Variants in CRY1 observed in about 807,000 individuals in gnomAD.
The protein encoded by CRY1 is cryptochrome-1.
Under a neutral mutation model 76.0 loss-of-function variants are expected in CRY1, and 45 were observed. That is an observed-to-expected ratio of 0.59 (90% CI 0.47 to 0.76). The LOEUF is 0.76. Among genes scored for constraint, CRY1 ranks in the 30% least tolerant of loss-of-function variants. CRY1 has a pLI of 0.00. For missense variants in CRY1, 587 were observed against 716.4 expected, an observed-to-expected ratio of 0.82 and a Z score of 2.06; for synonymous variants, 248 against 244.0, an observed-to-expected ratio of 1.02 and a Z score of -0.15.
intron 2 of CRY1, among the ~76,000 whole-genome samples, chr12:107,008,744 T>C (rs1259337663): frequency 1.3e-5 from 2 of 152,164 alleles, no homozygotes; most frequent in African/African-American, 2.4e-5. Context: ...CCACATGTCA[T>C]GGGAGGGACC....
At chr12:107,070,666 T>TTTTTTTTATTTA (rs1263215924) in intron 1 of CRY1, among the ~76,000 whole-genome samples, 75 of 139,690 alleles carry the variant, frequency 5.4e-4, no homozygotes, top group African/African-American at 9.4e-4. Context: ...ATTCTCTTAT[T>TTTTTTTTATTTA]TTTATTTATT....
intron 1 of CRY1, among the ~76,000 whole-genome samples, chr12:107,053,774 G>A (rs1952950310): frequency 6.6e-6 from 1 of 152,174 alleles, no homozygotes; most frequent in Non-Finnish European, 1.5e-5. Context: ...AACTCAGACG[G>A]AGATTCATCA....
chr12:107,037,736 TCTCA>T lies in CRY1; in HGVS notation c.159-15548_159-15545del, dbSNP rs1952752493. 3.3e-5 allele frequency among the ~76,000 whole-genome samples: 5 copies of T among 152,042 alleles called. No homozygotes were observed. In the South Asian group the frequency reaches 1.0e-3, roughly 32 times the overall value. On this transcript the variant is annotated intron_variant, in intron 1 of 12. Coordinates refer to ENST00000008527, the MANE Select transcript of CRY1 (RefSeq NM_004075.5). ...TTATTTATTTATTTTAGAGAAAGAG[TCTCA>T]CTCTGTTGCCCAGGCTGAAGTGCAG... is the stretch of plus-strand genomic sequence containing the variant.
chr12:107,028,369 C>G (rs1236402007), intron 1 of CRY1, among the ~76,000 whole-genome samples: 1 of 151,790 alleles, frequency 6.6e-6, no homozygotes, highest in Non-Finnish European at 1.5e-5. Flanking sequence ...ACACACTTTC[C>G]CTGAAGATAA....
rs138596917 is a variant in CRY1 at position 107,021,525 on chromosome 12, T to C, written c.267+559A>G. ...TAAAAAATTATAGCCATCTACAAAA[T>C]GGAATACTATGAAGTCATCTGAAAG... On this transcript the variant is annotated intron_variant, in intron 2 of 12. Coordinates refer to ENST00000008527, the MANE Select transcript of CRY1 (RefSeq NM_004075.5). Among the ~76,000 whole-genome samples the C allele has an allele frequency of 3.4e-3, 515 of 152,200 alleles. 3 individuals carry two copies. Among genetic ancestry groups the C allele is most frequent in the African/African-American group, 0.011 (468 of 41,556 alleles).
chr12:106,993,681 G>A (rs1723325776), intron 10 of CRY1, among the ~76,000 whole-genome samples: 1 of 152,048 alleles, frequency 6.6e-6, no homozygotes, highest in Non-Finnish European at 1.5e-5. Flanking sequence ...CTTATGGCCT[G>A]AACAAGACTG....
At chr12:107,082,316 G>C (rs1953336856) in intron 1 of CRY1, among the ~76,000 whole-genome samples, 1 of 152,028 alleles carries the variant, frequency 6.6e-6, no homozygotes, top group African/African-American at 2.4e-5. Flanking sequence ...AGGATATTCA[G>C]GACTTGAACT....
Position 107,074,398 on chromosome 12 carries a change from T to C in CRY1, c.158+18406A>G, listed in dbSNP as rs576221283. Among the ~76,000 whole-genome samples, 5 of 152,172 alleles carry C rather than the reference T, an allele frequency of 3.3e-5. No individual in the cohort carries two copies. In the East Asian group the frequency reaches 9.6e-4, roughly 29 times the overall value. On this transcript the variant is annotated intron_variant, in intron 1 of 12. Coordinates refer to ENST00000008527, the MANE Select transcript of CRY1 (RefSeq NM_004075.5). Reference sequence around the variant, plus strand: ...CAAGAAAACTAAATAAAAATACGTGTCATTAAGATATTTAATTTGTTGTTG... The same window carrying C: ...CAAGAAAACTAAATAAAAATACGTGCCATTAAGATATTTAATTTGTTGTTG...
chr12:107,002,621 G>A (rs747716306), intron 3 of CRY1, among the ~76,000 whole-genome samples: 1 of 152,106 alleles, frequency 6.6e-6, no homozygotes, highest in Non-Finnish European at 1.5e-5. Flanking sequence ...TAGACCTCTA[G>A]TGTTGTTCAT....
At chr12:106,992,565 G>A (rs1952190472) in intron 12 of CRY1, 1 of 388,940 alleles carries the variant, frequency 2.6e-6, no homozygotes. Flanking sequence ...CTAATTTAAA[G>A]AGCATTGGTT....
At chr12:107,069,620 T>TATATATATAAAGTAC (rs1259911318) in intron 1 of CRY1, among the ~76,000 whole-genome samples, 915 of 89,888 alleles carry the variant, frequency 0.01, 15 homozygotes, top group African/African-American at 0.047. Context: ...ATAAAAAGTA[T>TATATATATAAAGTAC]ATATATATAA....
At chr12:107,034,537 C>T (rs1430451324) in intron 1 of CRY1, among the ~76,000 whole-genome samples, 3 of 152,110 alleles carry the variant, frequency 2.0e-5, no homozygotes. Flanking sequence ...GTTCCAAGAA[C>T]CCTCTCTTAA....
chr12:107,001,119 T>A (rs192533534), intron 5 of CRY1, among the ~76,000 whole-genome samples, 161 bp downstream of exon 5: 1 of 152,186 alleles, frequency 6.6e-6, no homozygotes, highest in East Asian at 1.9e-4. Context: ...AATGAGGAGA[T>A]GGTAGTTAAC....
chr12:107,076,791 C>T (rs188398239), intron 1 of CRY1, among the ~76,000 whole-genome samples: 12 of 152,144 alleles, frequency 7.9e-5, no homozygotes, highest in Middle Eastern at 3.4e-3. Flanking sequence ...GCAGGTTTCT[C>T]GAATTATTTA....
In CRY1 at chr12:107,093,221, C is replaced by A. The variant is rs1382916991; in HGVS notation, c.-260G>T. 1 of 413,856 alleles carries A rather than the reference C, an allele frequency of 2.4e-6. No homozygotes were observed. Among genetic ancestry groups the A allele is most frequent in the Non-Finnish European group, 4.3e-6 (1 of 234,574 alleles). 25.6% of individuals were successfully genotyped at this position (413,856 alleles called of 1,614,324 possible). Reference sequence around the variant, plus strand: ...TTTAGGAGCCCGCGCCCGCCGCAACCGCCTGGAGGCGACGCATAACTTCGA... The same window carrying A: ...TTTAGGAGCCCGCGCCCGCCGCAACAGCCTGGAGGCGACGCATAACTTCGA... On this transcript the variant is annotated 5_prime_UTR_variant, in exon 1 of 13. Coordinates refer to ENST00000008527, the MANE Select transcript of CRY1 (RefSeq NM_004075.5).
intron 1 of CRY1, among the ~76,000 whole-genome samples, chr12:107,065,987 GCA>G (rs1200807666): frequency 1.3e-5 from 2 of 152,198 alleles, no homozygotes; most frequent in South Asian, 4.1e-4. Flanking sequence ...TGGTTGACAA[GCA>G]CAGTCTATGA....
intron 1 of CRY1, among the ~76,000 whole-genome samples, chr12:107,081,948 G>T (rs954831645): frequency 1.1e-4 from 17 of 151,838 alleles, no homozygotes; most frequent in African/African-American, 3.6e-4. Flanking sequence ...CATGGGGACA[G>T]ACAAACACAA....
intron 1 of CRY1, among the ~76,000 whole-genome samples, chr12:107,088,581 C>A (rs1953431192): frequency 6.6e-6 from 1 of 152,188 alleles, no homozygotes; most frequent in African/African-American, 2.4e-5. Flanking sequence ...AGCAGAGACA[C>A]TGAATCTGCT....
At chr12:107,074,609 A>T (rs1398742249) in intron 1 of CRY1, among the ~76,000 whole-genome samples, 2 of 152,226 alleles carry the variant, frequency 1.3e-5, no homozygotes, top group Non-Finnish European at 2.9e-5. Context: ...AAATTTCAAA[A>T]ACCTATCGTT....
Sources: gnomAD v4.1 joint callset for allele counts (sites outside exome capture counted in the v4.1 genomes callset) on GRCh38, gnomAD v4.1.1 for gene constraint, MANE v1.5 for transcripts, NCBI Gene and HGNC (gene_info 2026-07-23, HGNC 2026-07-21) for gene names.